Variants in UBE2G1 observed in about 807,000 individuals in gnomAD.
The protein encoded by UBE2G1 is ubiquitin conjugating enzyme E2 G1, also known as ubiquitin-conjugating enzyme E2 G1.
A neutral mutation model predicts 22.7 loss-of-function variants in UBE2G1; 5 were observed. That is an observed-to-expected ratio of 0.22 (90% CI 0.12 to 0.46). UBE2G1 has a LOEUF of 0.46. Among genes scored for constraint, UBE2G1 ranks in the 20% least tolerant of loss-of-function variants. The pLI, the probability that UBE2G1 is intolerant of heterozygous loss-of-function variation, is 0.99. For missense variants in UBE2G1, 88 were observed against 203.9 expected (o/e 0.43, Z 3.46); for synonymous variants, 74 against 67.5 (o/e 1.10, Z -0.47).
intron 1 of UBE2G1, among the ~76,000 whole-genome samples, chr17:4,353,323 A>G: frequency 6.6e-6 from 1 of 152,230 alleles, no homozygotes; most frequent in African/African-American, 2.4e-5. Context: ...AGTAAATGGA[A>G]AAGAAAAATA....
At chr17:4,280,714 CG>C (rs1968878248) in intron 5 of UBE2G1, among the ~76,000 whole-genome samples, 1 of 147,858 alleles carries the variant, frequency 6.8e-6, no homozygotes, top group African/African-American at 2.5e-5. Context: ...CTCGGCTCAC[CG>C]CAACCTCCGC....
rs537867680 is a variant in UBE2G1 at position 4,338,039 on chromosome 17, A to T, written c.46+28232T>A. Among the ~76,000 whole-genome samples, 6 of 151,966 alleles carry T rather than the reference A, an allele frequency of 3.9e-5. No individual in the cohort carries two copies. The East Asian group carries it at 7.8e-4, about 20-fold the overall frequency. On this transcript the variant is annotated intron_variant, in intron 1 of 5. Transcript: ENST00000396981. ...CAAAAAATTAGCCAGGCATGCTGGC[A>T]CGTGCCTGTAGTCCCAGCTACTGGG...
At chr17:4,335,943 C>T (rs1449270730) in intron 1 of UBE2G1, among the ~76,000 whole-genome samples, 1 of 151,976 alleles carries the variant, frequency 6.6e-6, no homozygotes, top group African/African-American at 2.4e-5. Context: ...GTCAGGAGTT[C>T]GAGACCAGCC....
rs143287760 is a variant in UBE2G1 at position 4,324,226 on chromosome 17, A to C, written c.47-17103T>G. 6.2e-3 allele frequency among the ~76,000 whole-genome samples: 937 copies of C among 152,316 alleles called. 6 individuals are homozygous for C. Among genetic ancestry groups the C allele is most frequent in the African/African-American group, 0.021 (872 of 41,566 alleles). On this transcript the variant is annotated intron_variant, in intron 1 of 5. Coordinates refer to ENST00000396981, the MANE Select transcript of UBE2G1 (RefSeq NM_003342.5). The stretch of plus-strand genomic sequence containing the variant: ...AAAATGTTTACACTGAATCAAATCA[A>C]GCTTCTTAGGTTAGACCTGCACTTT...
intron 5 of UBE2G1, among the ~76,000 whole-genome samples, chr17:4,277,761 A>G (rs1284489769): frequency 2.0e-5 from 3 of 149,742 alleles, no homozygotes; most frequent in African/African-American, 7.4e-5. Context: ...GTTTTCGTTC[A>G]CGTCTATGTC....
At chr17:4,355,605 A>G (rs1324305041) in intron 1 of UBE2G1, among the ~76,000 whole-genome samples, 2 of 145,340 alleles carry the variant, frequency 1.4e-5, no homozygotes, top group African/African-American at 2.5e-5. Flanking sequence ...TCGTGCCACT[A>G]CACTCCAGCC....
chr17:4,273,461 C>T (rs1256709351), intron 5 of UBE2G1, among the ~76,000 whole-genome samples: 1 of 152,114 alleles, frequency 6.6e-6, no homozygotes, highest in Non-Finnish European at 1.5e-5. Context: ...ACACCTCAGC[C>T]TCCCAAGCAG....
intron 5 of UBE2G1, among the ~76,000 whole-genome samples, chr17:4,280,351 T>C (rs1418769088): frequency 7.6e-6 from 1 of 130,932 alleles, no homozygotes; most frequent in East Asian, 2.2e-4. Flanking sequence ...TTTTTTTTTT[T>C]TTTTTTTTTT....
At chr17:4,306,913 G>A in intron 2 of UBE2G1, 108 bp downstream of exon 2, 1 of 950,564 alleles carries the variant, frequency 1.1e-6, no homozygotes, top group Admixed American at 2.3e-5. Context: ...GCCTCCCAAA[G>A]TGCTGGGATT....
chr17:4,309,117 G>A lies in UBE2G1; in HGVS notation c.47-1994C>T, dbSNP rs557449372. ...TTTAGTAAAAATACAAAAATTGGCC[G>A]GGCATGGAGGCGGACATCTGTAATC... On this transcript the variant is annotated intron_variant, in intron 1 of 5. Coordinates refer to ENST00000396981, the MANE Select transcript of UBE2G1 (RefSeq NM_003342.5). Among the ~76,000 whole-genome samples the A allele has an allele frequency of 3.8e-4, 58 of 152,254 alleles. 1 individual carries two copies. The highest frequency in any genetic ancestry group is 1.2e-3 in the African/African-American group (51 of 41,538).
At chr17:4,343,410 A>G (rs1037872509) in intron 1 of UBE2G1, among the ~76,000 whole-genome samples, 2 of 152,050 alleles carry the variant, frequency 1.3e-5, no homozygotes, top group African/African-American at 4.8e-5. Flanking sequence ...AGGCTGAGGC[A>G]GAAGAATTGC....
At chr17:4,366,154 C>T (rs1401528347) in intron 1 of UBE2G1, 117 bp downstream of exon 1, 3 of 1,127,742 alleles carry the variant, frequency 2.7e-6, no homozygotes, top group Admixed American at 4.1e-5. Flanking sequence ...GGTCCCCACC[C>T]TCGCAGGCCC....
chr17:4,311,361 G>A (rs936740441), intron 1 of UBE2G1, among the ~76,000 whole-genome samples: 1 of 152,196 alleles, frequency 6.6e-6, no homozygotes. Flanking sequence ...AGTTGTACAT[G>A]AATGTCTGTA....
At chr17:4,364,710 G>A (rs544883521) in intron 1 of UBE2G1, among the ~76,000 whole-genome samples, 1 of 152,214 alleles carries the variant, frequency 6.6e-6, no homozygotes, top group East Asian at 1.9e-4. Context: ...CTCCTGAGTA[G>A]CTGGGATTAC....
At chr17:4,315,656 C>T (rs542874059) in intron 1 of UBE2G1, among the ~76,000 whole-genome samples, 4 of 150,350 alleles carry the variant, frequency 2.7e-5, no homozygotes, top group South Asian at 4.2e-4. Flanking sequence ...AGGAGAATGG[C>T]GTGAACCCGG....
At position 4,310,667 on chromosome 17, in the gene UBE2G1, T is replaced by C. The variant is rs1030221826; in HGVS notation, c.47-3544A>G. On this transcript the variant is annotated intron_variant, in intron 1 of 5. Coordinates refer to ENST00000396981, the MANE Select transcript of UBE2G1 (RefSeq NM_003342.5). ...CCTTTGAAGGGTGGTTCTTTTTTTC[T>C]TTTTCTTTTAAACAATGGAGTGACC... 2.0e-5 allele frequency among the ~76,000 whole-genome samples: 3 copies of C among 152,330 alleles called. No homozygotes were observed. The East Asian group carries it at 5.8e-4, about 29-fold the overall frequency.
intron 5 of UBE2G1, among the ~76,000 whole-genome samples, chr17:4,274,293 G>A (rs192970289): frequency 2.1e-3 from 315 of 151,352 alleles, no homozygotes; most frequent in African/African-American, 7.2e-3. Flanking sequence ...CACCTCCCGG[G>A]TTCGCGCCAT....
intron 2 of UBE2G1, among the ~76,000 whole-genome samples, chr17:4,297,277 CT>C (rs1378660180): frequency 6.6e-6 from 1 of 152,018 alleles, no homozygotes; most frequent in Non-Finnish European, 1.5e-5. Context: ...GATATATTGC[CT>C]CCATCTATCC....
chr17:4,319,134 G>A (rs1969408149), intron 1 of UBE2G1, among the ~76,000 whole-genome samples: 2 of 152,252 alleles, frequency 1.3e-5, no homozygotes, highest in African/African-American at 4.8e-5. Flanking sequence ...CATTCCTGAA[G>A]AGATCAGAAT....
Sources: gnomAD v4.1 joint callset for allele counts (sites outside exome capture counted in the v4.1 genomes callset) on GRCh38, gnomAD v4.1.1 for gene constraint, MANE v1.5 for transcripts, NCBI Gene and HGNC (gene_info 2026-07-23, HGNC 2026-07-21) for gene names.